Variants in KRT26 observed in about 807,000 individuals in gnomAD.
KRT26 encodes the protein keratin 26, also known as keratin, type I cytoskeletal 26.
In KRT26, 45 loss-of-function variants were observed where a neutral mutation model predicts 46.1. The observed-to-expected ratio is 0.98, with a 90% CI of 0.77 to 1.25. The LOEUF is 1.25. Among genes scored for constraint, KRT26 ranks in the 50% most tolerant of loss-of-function variants. The pLI is 0.00. For missense variants in KRT26, 582 were observed against 560.1 expected, an observed-to-expected ratio of 1.04 and a Z score of -0.39; for synonymous variants, 191 against 209.9, an observed-to-expected ratio of 0.91 and a Z score of 0.78.
chr17:40,771,824 T>C, exon 1 of KRT26: 1 of 1,614,168 alleles, frequency 6.2e-7, no homozygotes, highest in South Asian at 1.1e-5. Context: ...ATGGTCCAGG[T>C]AGGATGCCAG....
intron 2 of KRT26, among the ~76,000 whole-genome samples, chr17:40,770,928 G>A (rs2038216946): frequency 6.6e-6 from 1 of 152,174 alleles, no homozygotes; most frequent in South Asian, 2.1e-4. Context: ...CTGACCTCAA[G>A]TGATCTGCCT....
At chr17:40,769,169 A>G (rs2038196891) in intron 5 of KRT26, 73 bp from the exon 6 acceptor site, 1 of 954,742 alleles carries the variant, frequency 1.0e-6, no homozygotes, top group Admixed American at 2.4e-5. Flanking sequence ...TATTTTATTT[A>G]TTTTTTTGAG....
At position 40,770,302 on chromosome 17, in the gene KRT26, C is replaced by G. The variant is rs371574424; in HGVS notation, c.632G>C (p.Cys211Ser). The change falls in exon 3 of 8, where the codon TGT becomes TCT. Residue 211 changes from cysteine to serine, a missense_variant. Coordinates refer to ENST00000335552, the Ensembl canonical transcript of KRT26. The stretch of plus-strand genomic sequence containing the variant: ...GGTCAATTCCTCACTGAGGGTCTCA[C>G]ACTGTATCTCCAGGTCGGTTGTACA... 709 of 1,614,160 alleles carry G rather than the reference C, an allele frequency of 4.4e-4. 5 individuals are homozygous for G. In the South Asian group the frequency reaches 5.7e-3, roughly 13 times the overall value.
intron 7 of KRT26, among the ~76,000 whole-genome samples, chr17:40,767,332 G>A (rs1472743931): frequency 6.6e-6 from 1 of 152,162 alleles, no homozygotes; most frequent in African/African-American, 2.4e-5. Flanking sequence ...AACTATGAAA[G>A]ATAATACATT....
chr17:40,772,149 G>A (rs1020811255), exon 1 of KRT26: 7 of 1,578,598 alleles, frequency 4.4e-6, no homozygotes, highest in Non-Finnish European at 6.1e-6. Context: ...TTCCCAGAAA[G>A]AGGAGCAAAG....
rs202090365 is a variant in KRT26, at chr17:40,769,895, C to T, written c.844-16G>A. ...GCGTTGCACTCTGAAGTGTAATTGT[C>T]GAAAGGGTTAGTGACTGGCCTGATT... is the stretch of plus-strand genomic sequence containing the variant. On this transcript the variant is annotated splice_polypyrimidine_tract_variant and intron_variant, in intron 4 of 7. Transcript: ENST00000335552. The T allele has an allele frequency of 4.6e-5, 74 of 1,614,102 alleles. No individual in the cohort carries two copies. The Middle Eastern group carries it at 9.9e-4, about 22-fold the overall frequency.
chr17:40,769,646 A>G (rs962370650), intron 5 of KRT26, 108 bp downstream of exon 5: 1 of 1,116,836 alleles, frequency 9.0e-7, no homozygotes. Context: ...TTATACTTTT[A>G]GTCATATGTA....
Position 40,769,819 on chromosome 17 carries a change from CATTTCTGGCT to C in KRT26, c.894_903del (p.Ala299SerfsTer2), listed in dbSNP as rs767449009. 4.3e-6 allele frequency: 7 copies of C among 1,614,190 alleles called. No individual in the cohort carries two copies. The highest frequency in any genetic ancestry group is 5.9e-6 in the Non-Finnish European group (7 of 1,180,022). ...AGATTGCGTTTTAATTCGGTCAGCT[CATTTCTGGCT>C]GCTGTGGCTGCTCCCTCATGATCGG... On this transcript the variant is annotated frameshift_variant, in exon 5 of 8. Transcript: ENST00000335552. LOFTEE classifies it high-confidence loss of function.
chr17:40,772,018 A>C, exon 1 of KRT26: 1 of 1,614,142 alleles, frequency 6.2e-7, no homozygotes, highest in Non-Finnish European at 8.5e-7. Context: ...CAACACACAC[A>C]TTCCCAGCCA....
exon 8 of KRT26, chr17:40,766,517 A>G: frequency 6.3e-7 from 1 of 1,575,992 alleles, no homozygotes; most frequent in Non-Finnish European, 8.6e-7. Context: ...TTTCCTCATT[A>G]TGGTGCTTTA....
chr17:40,767,731 A>C (rs2038182997), intron 6 of KRT26, 78 bp from the exon 7 acceptor site: 1 of 751,100 alleles, frequency 1.3e-6, no homozygotes, highest in African/African-American at 1.8e-5. Flanking sequence ...ATTGGAAATA[A>C]GAGTTTTGGA....
exon 3 of KRT26, chr17:40,770,379 A>G (rs2038213171): frequency 1.2e-6 from 2 of 1,609,482 alleles, no homozygotes; most frequent in East Asian, 2.2e-5. Context: ...CGGCCTCAAC[A>G]CTGTGGTGCA....
intron 4 of KRT26, 39 bp downstream of exon 4, chr17:40,769,922 T>C: frequency 6.2e-7 from 1 of 1,614,146 alleles, no homozygotes; most frequent in African/African-American, 1.3e-5. Context: ...GGCCTGATTG[T>C]CTCCTGAGCA....
At position 40,770,403 on chromosome 17, in the gene KRT26, T is replaced by A. The variant is rs767130732; in HGVS notation, c.531A>T (p.Glu177Asp). 20 of 1,585,650 alleles carry A rather than the reference T, an allele frequency of 1.3e-5. No individual in the cohort carries two copies. The South Asian group carries it at 2.3e-4, about 18-fold the overall frequency. The change falls in exon 3 of 8, where the codon GAA (glutamate) becomes GAT (aspartate). Residue 177 changes from glutamate to aspartate, a missense_variant. Coordinates refer to ENST00000335552, the Ensembl canonical transcript of KRT26. ...CACTGTGGTGCAGAGCCAGCTCATT[T>A]TCATACCTGAAAGATTAGTAAGGCA...
At chr17:40,769,050 C>A (rs2038195391) in exon 6 of KRT26, 1 of 1,613,998 alleles carries the variant, frequency 6.2e-7, no homozygotes, top group African/African-American at 1.3e-5. Context: ...GAGTTGATTG[C>A]AGTAATTTCC....
chr17:40,767,877 T>G (rs1362865013), intron 6 of KRT26, among the ~76,000 whole-genome samples: 1 of 152,202 alleles, frequency 6.6e-6, no homozygotes, highest in East Asian at 1.9e-4. Context: ...AGAAATTACC[T>G]CTTTCATCTA....
At chr17:40,769,836 G>T (rs2038204857) in exon 5 of KRT26, 1 of 1,614,062 alleles carries the variant, frequency 6.2e-7, no homozygotes, top group Non-Finnish European at 8.5e-7. Flanking sequence ...GGCTGCTGTG[G>T]CTGCTCCCTC....
exon 7 of KRT26, chr17:40,767,606 T>C (rs548595910): frequency 6.2e-7 from 1 of 1,606,292 alleles, no homozygotes; most frequent in Non-Finnish European, 8.5e-7. Context: ...ATTTCCAGAA[T>C]TCACAGGCCT....
intron 5 of KRT26, 33 bp from the exon 6 acceptor site, chr17:40,769,129 TA>T: frequency 3.6e-6 from 5 of 1,382,802 alleles, no homozygotes; most frequent in Non-Finnish European, 5.1e-6. Flanking sequence ...CTTGAATGTG[TA>T]AAAGAGAAAT....
Sources: allele counts gnomAD v4.1 joint callset (sites outside exome capture counted in the v4.1 genomes callset), GRCh38; gene constraint gnomAD v4.1.1; transcripts MANE v1.5; gene names NCBI Gene and HGNC (gene_info 2026-07-23, HGNC 2026-07-21).